Variants in SDCCAG8 observed in about 807,000 individuals in gnomAD.
SDCCAG8 encodes the protein SHH signaling and ciliogenesis regulator SDCCAG8.
Under a neutral mutation model 101.8 loss-of-function variants are expected in SDCCAG8, and 74 were observed. The ratio of observed to expected loss-of-function variants is 0.73; its 90% CI spans 0.60 to 0.88. The LOEUF (loss-of-function observed/expected upper bound fraction) is 0.88. SDCCAG8 is among the 40% of genes least tolerant of loss of function. The pLI is 0.00. For synonymous variants in SDCCAG8, 281 were observed against 292.9 expected (o/e 0.96, Z 0.41); for missense variants, 787 against 822.6 (o/e 0.96, Z 0.53).
At chr1:243,333,867 G>A (rs2074804537) in intron 10 of SDCCAG8, among the ~76,000 whole-genome samples, 1 of 152,102 alleles carries the variant, frequency 6.6e-6, no homozygotes, top group Non-Finnish European at 1.5e-5. Flanking sequence ...GAGTTTAGCA[G>A]GGAGCTAAAG....
At chr1:243,350,129 T>G (rs1032768048) in intron 12 of SDCCAG8, among the ~76,000 whole-genome samples, 1 of 152,158 alleles carries the variant, frequency 6.6e-6, no homozygotes, top group African/African-American at 2.4e-5. Flanking sequence ...ACTAGACTGT[T>G]GGAAGAAGTG....
intron 16 of SDCCAG8, among the ~76,000 whole-genome samples, chr1:243,454,231 T>C (rs1173181705): frequency 6.6e-6 from 1 of 152,186 alleles, no homozygotes. Flanking sequence ...CTTTAAAACA[T>C]GAAAAAGATA....
In SDCCAG8 at chr1:243,300,278, T is replaced by C. The variant is rs934969654; in HGVS notation, c.676-4435T>C. ...CAGAAACCCAGGATTATTTTTAGTG[T>C]ATTTTTCTCCCCTATATCTATTCTG... On this transcript the variant is annotated intron_variant, in intron 6 of 17. Transcript: ENST00000366541. Among the ~76,000 whole-genome samples, 7 of 152,124 alleles carry C rather than the reference T, an allele frequency of 4.6e-5. No homozygotes were observed. In the South Asian group the frequency reaches 1.2e-3, roughly 27 times the overall value.
intron 13 of SDCCAG8, among the ~76,000 whole-genome samples, chr1:243,385,455 C>A (rs1474196797): frequency 6.6e-6 from 1 of 151,980 alleles, no homozygotes; most frequent in African/African-American, 2.4e-5. Flanking sequence ...ATGATAAGAT[C>A]CAGAAGGGAG....
At chr1:243,424,431 T>G (rs144691188) in intron 15 of SDCCAG8, among the ~76,000 whole-genome samples, 60 of 152,198 alleles carry the variant, frequency 3.9e-4, no homozygotes, top group African/African-American at 1.4e-3. Flanking sequence ...AAAGGATGAA[T>G]ACAGAACAGA....
chr1:243,487,276 T>C (rs1172560749), intron 16 of SDCCAG8, among the ~76,000 whole-genome samples: 1 of 148,526 alleles, frequency 6.7e-6, no homozygotes, highest in African/African-American at 2.6e-5. Context: ...GGCCCCCCCC[T>C]GGGGCCTTGC....
At chr1:243,273,150 C>T (rs969348041) in intron 3 of SDCCAG8, among the ~76,000 whole-genome samples, 1 of 152,096 alleles carries the variant, frequency 6.6e-6, no homozygotes. Flanking sequence ...ATTAGAGTTA[C>T]TTTGGTTTTT....
At chr1:243,411,828 T>C (rs1289848619) in intron 13 of SDCCAG8, among the ~76,000 whole-genome samples, 1 of 152,212 alleles carries the variant, frequency 6.6e-6, no homozygotes, top group Non-Finnish European at 1.5e-5. Context: ...CATTGAACAG[T>C]TGATGCACGT....
intron 9 of SDCCAG8, among the ~76,000 whole-genome samples, chr1:243,319,330 C>T (rs1326437335): frequency 5.9e-5 from 9 of 152,160 alleles, no homozygotes; most frequent in Admixed American, 5.9e-4. Context: ...TAAAATCTCT[C>T]AATTGAGAAG....
intron 13 of SDCCAG8, among the ~76,000 whole-genome samples, chr1:243,414,960 T>G (rs897391796): frequency 2.6e-5 from 4 of 151,952 alleles, no homozygotes; most frequent in Non-Finnish European, 5.9e-5. Context: ...TCTAATTGTT[T>G]AGGAAGTTTC....
In SDCCAG8 at chr1:243,341,030, C is replaced by T. The variant is rs1005846276; in HGVS notation, c.1222-9C>T. On this transcript the variant is annotated splice_polypyrimidine_tract_variant and intron_variant, in intron 10 of 17. Transcript: ENST00000366541. ...CATTATTGTTTAGGACTTTTATTTT[C>T]CCTTACAGATGTTGATCTTGTCTCA... 4 of 1,612,468 alleles carry T rather than the reference C, an allele frequency of 2.5e-6. No homozygotes were observed. Among genetic ancestry groups the T allele is most frequent in the Non-Finnish European group, 3.4e-6 (4 of 1,178,674 alleles).
chr1:243,322,863 G>A (rs951972971), intron 9 of SDCCAG8, among the ~76,000 whole-genome samples: 32 of 151,704 alleles, frequency 2.1e-4, no homozygotes, highest in African/African-American at 7.0e-4. Flanking sequence ...ATAGCCGGGC[G>A]CAGTGGCTCA....
intron 13 of SDCCAG8, among the ~76,000 whole-genome samples, chr1:243,387,296 T>G (rs1025690500): frequency 1.3e-5 from 2 of 152,216 alleles, no homozygotes; most frequent in African/African-American, 4.8e-5. Flanking sequence ...TTCTTGTATC[T>G]GATCTTGAGG....
At chr1:243,496,259 C>A (rs1667829961) in intron 17 of SDCCAG8, among the ~76,000 whole-genome samples, 1 of 152,196 alleles carries the variant, frequency 6.6e-6, no homozygotes, top group Admixed American at 6.5e-5. Context: ...GGGCAGGTAC[C>A]CGAGCGGGTG....
rs568003395 is a variant in SDCCAG8, at chr1:243,293,380, A to T, written c.675+161A>T. 32 of 799,500 alleles carry T rather than the reference A, an allele frequency of 4.0e-5. No homozygotes were observed. The East Asian group carries it at 8.3e-4, about 21-fold the overall frequency. The allele number at this position is 799,500 out of a possible 1,614,324, so 49.5% of individuals were successfully genotyped here. A position where few individuals can be genotyped will look rare whatever the true frequency, so the allele number is the denominator to read the frequency against. On this transcript the variant is annotated intron_variant, in intron 6 of 17. Coordinates refer to ENST00000366541, the MANE Select transcript of SDCCAG8 (RefSeq NM_006642.5). ...AAGTACATTCATGTCACTCAATCAT[A>T]AACATTATCCATTTTCAGAACTTTT...
chr1:243,320,527 T>C (rs1250400056), intron 9 of SDCCAG8, among the ~76,000 whole-genome samples: 1 of 152,126 alleles, frequency 6.6e-6, no homozygotes, highest in African/African-American at 2.4e-5. Context: ...CACTCAGCTA[T>C]CGTCAAAGGC....
At chr1:243,414,145 T>C (rs1323824855) in intron 13 of SDCCAG8, among the ~76,000 whole-genome samples, 1 of 152,100 alleles carries the variant, frequency 6.6e-6, no homozygotes, top group Admixed American at 6.5e-5. Flanking sequence ...ACAACATATA[T>C]TGAGGTCATT....
At chr1:243,364,308 T>G (rs2076876887) in intron 12 of SDCCAG8, among the ~76,000 whole-genome samples, 1 of 152,216 alleles carries the variant, frequency 6.6e-6, no homozygotes, top group Non-Finnish European at 1.5e-5. Flanking sequence ...AAAGGTAAGT[T>G]GAACACAGAC....
At chr1:243,393,866 A>T (rs2078877979) in intron 13 of SDCCAG8, among the ~76,000 whole-genome samples, 1 of 152,220 alleles carries the variant, frequency 6.6e-6, no homozygotes, top group Non-Finnish European at 1.5e-5. Context: ...TCATAAGCTC[A>T]TTTAAGCTGT....
Sources: allele counts gnomAD v4.1 joint callset (sites outside exome capture counted in the v4.1 genomes callset), GRCh38; gene constraint gnomAD v4.1.1; transcripts MANE v1.5; gene names NCBI Gene and HGNC (gene_info 2026-07-23, HGNC 2026-07-21).